CUBN: variants seen among roughly 807,000 people sequenced by gnomAD.
CUBN encodes the protein 460 kDa receptor.
Under a neutral mutation model 405.3 loss-of-function variants are expected in CUBN, and 282 were observed. The ratio of observed to expected loss-of-function variants is 0.70; its 90% CI spans 0.63 to 0.77. CUBN has a LOEUF of 0.77. Ranked by LOEUF, CUBN falls within the 30% of genes least tolerant of loss-of-function variation. The probability of loss-of-function intolerance (pLI) is 0.00; values close to 1 mark genes in which losing one functional copy is unlikely to be tolerated. For synonymous variants in CUBN, 1,684 were observed against 1,617.0 expected, an observed-to-expected ratio of 1.04 and a Z score of -0.99; for missense variants, 4,514 against 4,475.2, an observed-to-expected ratio of 1.01 and a Z score of -0.25.
chr10:17,008,829 T>C (rs1020879911), intron 28 of CUBN, among the ~76,000 whole-genome samples: 1 of 152,074 alleles, frequency 6.6e-6, no homozygotes, highest in South Asian at 2.1e-4. Flanking sequence ...CTCTGTAGAG[T>C]AGAAACCAGG....
At position 16,937,652 on chromosome 10, in the gene CUBN, A is replaced by ATCCCT. The variant is rs752719426; in HGVS notation, c.5861_5865dup (p.Phe1956ArgfsTer29). ...TCCACTGCAAACCACTCCAGAAGGA[A>ATCCCT]TCCCTTCCCTGAGATTGAAGAGTCG... On this transcript the variant is annotated frameshift_variant, in exon 39 of 67. Coordinates refer to ENST00000377833, the MANE Select transcript of CUBN (RefSeq NM_001081.4). LOFTEE classifies it high-confidence loss of function. The ATCCCT allele has an allele frequency of 6.2e-7, 1 of 1,614,068 alleles. No homozygotes were observed. The highest frequency in any genetic ancestry group is 8.5e-7 in the Non-Finnish European group (1 of 1,179,984).
intron 22 of CUBN, among the ~76,000 whole-genome samples, chr10:17,057,683 G>T (rs986079788): frequency 1.3e-5 from 2 of 151,500 alleles, no homozygotes; most frequent in African/African-American, 4.9e-5. Context: ...GCTAAAAACT[G>T]GGAAAAAAAA....
chr10:16,928,454 G>C (rs1842261278), intron 40 of CUBN, 151 bp from the exon 41 acceptor site: 1 of 819,684 alleles, frequency 1.2e-6, no homozygotes, highest in African/African-American at 1.7e-5. Flanking sequence ...GGACCCCTCA[G>C]GGGTGATATC....
intron 28 of CUBN, among the ~76,000 whole-genome samples, chr10:17,001,459 G>A (rs1475222547): frequency 6.6e-6 from 1 of 152,212 alleles, no homozygotes; most frequent in Non-Finnish European, 1.5e-5. Context: ...ACAGAGTGCT[G>A]ATTGGTGCAT....
In CUBN at chr10:16,836,176, T is replaced by C. The variant is rs554042149; in HGVS notation, c.10180+59A>G. 4.2e-6 allele frequency: 6 copies of C among 1,430,110 alleles called. No homozygotes were observed. The South Asian group carries it at 5.7e-5, about 14-fold the overall frequency. The allele number at this position is 1,430,110 out of a possible 1,614,324, so 88.6% of individuals were successfully genotyped here. A position where few individuals can be genotyped will look rare whatever the true frequency, so the allele number is the denominator to read the frequency against. On this transcript the variant is annotated intron_variant, in intron 63 of 66. Coordinates refer to ENST00000377833, the MANE Select transcript of CUBN (RefSeq NM_001081.4). Reference sequence around the variant, plus strand: ...ATTCTAGAAATAATTGTAATTATTCTACGAATAATGGTAATGATGGCAGCT... The same window carrying C: ...ATTCTAGAAATAATTGTAATTATTCCACGAATAATGGTAATGATGGCAGCT...
chr10:16,931,310 G>A (rs1842358587), intron 40 of CUBN, among the ~76,000 whole-genome samples: 1 of 151,724 alleles, frequency 6.6e-6, no homozygotes, highest in Non-Finnish European at 1.5e-5. Flanking sequence ...TATTAACAAT[G>A]TGTAAATGAC....
At position 17,068,034 on chromosome 10, in the gene CUBN, T is replaced by A. The variant is rs551082865; in HGVS notation, c.3008+30A>T. 4 of 1,555,872 alleles carry A rather than the reference T, an allele frequency of 2.6e-6. No homozygotes were observed. In the African/African-American group the frequency reaches 4.1e-5, roughly 16 times the overall value. Reference sequence around the variant, plus strand: ...AAGCAGGAAATCAGTGAAGTTTTATTGTTAAACAAACAAACAAACATAACC... The same window carrying A: ...AAGCAGGAAATCAGTGAAGTTTTATAGTTAAACAAACAAACAAACATAACC... On this transcript the variant is annotated intron_variant, in intron 21 of 66. Coordinates refer to ENST00000377833, the MANE Select transcript of CUBN (RefSeq NM_001081.4).
chr10:17,129,231 T>A lies in CUBN; in HGVS notation c.142A>T (p.Arg48Ter). 1 of 1,613,670 alleles carries A rather than the reference T, an allele frequency of 6.2e-7. No homozygotes were observed. The highest frequency in any genetic ancestry group is 8.5e-7 in the Non-Finnish European group (1 of 1,179,568). ...CCCGTAAGAAACACCAAATTTCCTC[T>A]CTCTGTAGCCATTCGAGGCCTATAT... The part of the protein sequence containing the change: ...NLQQPRMATE[R>*]GNLVFLTGSA... The change falls in exon 2 of 67, where the codon AGA (arginine) becomes TGA (stop). Residue 48 changes from arginine to a stop codon, truncating the protein, a stop_gained. Transcript: ENST00000377833. LOFTEE classifies it high-confidence loss of function.
At chr10:16,979,916 T>C (rs149111920) in intron 31 of CUBN, among the ~76,000 whole-genome samples, 2,989 of 152,144 alleles carry the variant, frequency 0.02, 93 homozygotes, top group African/African-American at 0.069. Context: ...ATCTACAGAA[T>C]AGGAGAAAAT....
chr10:16,847,475 C>G, intron 60 of CUBN, among the ~76,000 whole-genome samples: 1 of 142,536 alleles, frequency 7.0e-6, no homozygotes, highest in Admixed American at 6.9e-5. Flanking sequence ...CAGCAAGACT[C>G]CAACTAAAAA....
intron 31 of CUBN, among the ~76,000 whole-genome samples, chr10:16,963,236 C>G (rs1296972207): frequency 1.6e-5 from 2 of 125,552 alleles, no homozygotes; most frequent in Non-Finnish European, 3.2e-5. Context: ...ACTCTGTCAC[C>G]CAGGTTGGAG....
intron 28 of CUBN, among the ~76,000 whole-genome samples, chr10:17,013,689 A>G (rs1263029553): frequency 1.3e-5 from 2 of 152,232 alleles, no homozygotes; most frequent in Non-Finnish European, 2.9e-5. Context: ...CATACTTGCT[A>G]TCTGTATACA....
chr10:16,988,567 C>G (rs1833493605), intron 29 of CUBN, among the ~76,000 whole-genome samples: 2 of 152,146 alleles, frequency 1.3e-5, no homozygotes, highest in Non-Finnish European at 1.5e-5. Context: ...CCTTGTGACT[C>G]TCACTGAGAA....
intron 14 of CUBN, among the ~76,000 whole-genome samples, chr10:17,090,349 C>T (rs1272738588): frequency 6.6e-6 from 1 of 151,044 alleles, no homozygotes; most frequent in Non-Finnish European, 1.5e-5. Context: ...AAGGATAAAT[C>T]AAAAACTAAT....
At chr10:17,119,216 T>C (rs1412238378) in intron 6 of CUBN, among the ~76,000 whole-genome samples, 1 of 152,166 alleles carries the variant, frequency 6.6e-6, no homozygotes, top group East Asian at 1.9e-4. Flanking sequence ...ATAAGTGAAA[T>C]AAAATTTACT....
intron 28 of CUBN, among the ~76,000 whole-genome samples, chr10:16,992,505 T>A (rs1463124267): frequency 6.6e-6 from 1 of 152,178 alleles, no homozygotes; most frequent in African/African-American, 2.4e-5. Context: ...AAGTCTGAGA[T>A]CTTGTCTACT....
At position 17,113,425 on chromosome 10, in the gene CUBN, C is replaced by CA. The variant is rs5783533; in HGVS notation, c.883+601dup. On this transcript the variant is annotated intron_variant, in intron 8 of 66. Transcript: ENST00000377833. ...TGCTTTGCTCATAGTAGGCATCCTA[C>CA]AAAAAAAAAAATGTGTGGAATATAT... is the stretch of plus-strand genomic sequence containing the variant. 3.2e-3 allele frequency among the ~76,000 whole-genome samples: 486 copies of CA among 150,988 alleles called. 3 individuals carry two copies. Among genetic ancestry groups the CA allele is most frequent in the African/African-American group, 0.011 (460 of 41,154 alleles).
At position 17,087,466 on chromosome 10, in the gene CUBN, C is replaced by CTTTTTTTTTTTTTTTTTTTTTTTT. The variant is rs879308596; in HGVS notation, c.1947+697_1947+698insAAAAAAAAAAAAAAAAAAAAAAAA. Among the ~76,000 whole-genome samples the CTTTTTTTTTTTTTTTTTTTTTTTT allele has an allele frequency of 2.5e-5, 2 of 79,772 alleles. 1 individual carries two copies. The highest frequency in any genetic ancestry group is 4.6e-5 in the Non-Finnish European group (2 of 43,632). The allele number at this position is 79,772 out of a possible 152,430, so 52.3% of individuals were successfully genotyped here. Reference sequence around the variant, plus strand: ...GTTCAACACAATCACTATTATTTTTCTTTTTCTTTTTTTTTTTTTTTTTTT... The same window carrying CTTTTTTTTTTTTTTTTTTTTTTTT: ...GTTCAACACAATCACTATTATTTTTCTTTTTTTTTTTTTTTTTTTTTTTTTTTTTCTTTTTTTTTTTTTTTTTTT... On this transcript the variant is annotated intron_variant, in intron 15 of 66. Coordinates refer to ENST00000377833, the MANE Select transcript of CUBN (RefSeq NM_001081.4).
Position 16,982,436 on chromosome 10 carries a change from T to G in CUBN, c.4695+48A>C. On this transcript the variant is annotated intron_variant, in intron 31 of 66. Transcript: ENST00000377833. ...CTAAATATGCTTATATGGCAGTGTT[T>G]TGACCGAGGTTTGACTGGAGACAAT... The G allele has an allele frequency of 2.0e-6, 3 of 1,538,122 alleles. No individual in the cohort carries two copies. The South Asian group carries it at 3.4e-5, about 17-fold the overall frequency.
Sources: allele counts gnomAD v4.1 joint callset (sites outside exome capture counted in the v4.1 genomes callset), GRCh38; gene constraint gnomAD v4.1.1; transcripts MANE v1.5; gene names NCBI Gene and HGNC (gene_info 2026-07-23, HGNC 2026-07-21).